Variants in MYOM3 observed in about 807,000 individuals in gnomAD.
The protein encoded by MYOM3 is myomesin-3.
MYOM3 carries 155 observed loss-of-function variants against 191.7 expected under a neutral mutation model. The ratio of observed to expected loss-of-function variants is 0.81; its 90% confidence interval spans 0.71 to 0.92. The LOEUF (loss-of-function observed/expected upper bound fraction) is 0.92. MYOM3 is among the 40% of genes least tolerant of loss of function. MYOM3 has a pLI of 0.00. For synonymous variants in MYOM3, 757 were observed against 762.9 expected (o/e 0.99, Z 0.13); for missense variants, 1,889 against 1,890.6 (o/e 1.00, Z 0.02).
intron 9 of MYOM3, among the ~76,000 whole-genome samples, chr1:24,093,851 T>C (rs183198722): frequency 2.0e-5 from 3 of 152,208 alleles, no homozygotes; most frequent in Admixed American, 2.0e-4. Flanking sequence ...GGCTCAGAGC[T>C]GGGGGTGCCA....
intron 5 of MYOM3, among the ~76,000 whole-genome samples, chr1:24,101,831 C>T (rs1643939562): frequency 6.6e-6 from 1 of 152,192 alleles, no homozygotes. Context: ...TGGATGCCGC[C>T]CTCATTTTCT....
chr1:24,088,569 C>A (rs1441595130), intron 14 of MYOM3, among the ~76,000 whole-genome samples: 1 of 152,186 alleles, frequency 6.6e-6, no homozygotes, highest in Non-Finnish European at 1.5e-5. Flanking sequence ...TGAAACAAAT[C>A]CTCAATTATC....
At chr1:24,059,464 A>G (rs1428708955) in intron 35 of MYOM3, among the ~76,000 whole-genome samples, 1 of 152,222 alleles carries the variant, frequency 6.6e-6, no homozygotes, top group East Asian at 1.9e-4. Context: ...ACTGTATTAC[A>G]TGCTTCTTTG....
At chr1:24,108,449 G>A (rs749046735) in intron 2 of MYOM3, 27 bp downstream of exon 2, 8 of 1,517,206 alleles carry the variant, frequency 5.3e-6, no homozygotes, top group Non-Finnish European at 7.1e-6. Context: ...CAGGGCAGTG[G>A]CTGGGCGGGG....
intron 5 of MYOM3, among the ~76,000 whole-genome samples, chr1:24,103,259 C>T (rs1643953813): frequency 6.6e-6 from 1 of 152,238 alleles, no homozygotes; most frequent in Non-Finnish European, 1.5e-5. Flanking sequence ...AGCAGTCCTC[C>T]TAGTGGGATC....
At chr1:24,099,079 T>C (rs905911271) in intron 6 of MYOM3, among the ~76,000 whole-genome samples, 6 of 152,166 alleles carry the variant, frequency 3.9e-5, no homozygotes, top group Admixed American at 3.3e-4. Flanking sequence ...ATATGAATGA[T>C]GAGTGACACA....
rs1394789164 is a variant in MYOM3, at chr1:24,089,623, C to T, written c.1529G>A (p.Ser510Asn). ...AACCACATAGGCCTCTCGGATCTCG[C>T]TGGCATGGACATTGGTTGGCGGTGA... ...IPSPPTNVHA[S>N]EIREAYVVLA... The change falls in exon 14 of 37, where the codon AGC (serine) becomes AAC (asparagine). Residue 510 changes from serine (S) to asparagine (N), a missense_variant. Physicochemically the swap from Ser to Asn is conservative, Grantham distance 46. Coordinates refer to ENST00000374434, the MANE Select transcript of MYOM3 (RefSeq NM_152372.4). 6.3e-7 allele frequency: 1 copy of T among 1,594,360 alleles called. No homozygotes were observed. Among genetic ancestry groups the T allele is most frequent in the Non-Finnish European group, 8.5e-7 (1 of 1,170,826 alleles).
Position 24,108,620 on chromosome 1 carries a change from C to G in MYOM3, c.17G>C (p.Ser6Thr). MTLPH[S>T]LGGAGDPRPP... is the part of the protein sequence containing the mutation. The stretch of plus-strand genomic sequence containing the variant: ...CCGGGGGTCCCCCGCACCTCCCAAG[C>G]TGTGCGGCAGAGTCATGGTTACGAG... The change falls in exon 2 of 37, where the codon AGC (serine) becomes ACC (threonine). Residue 6 changes from serine to threonine, a missense_variant. Transcript: ENST00000374434. The G allele has an allele frequency of 6.4e-7, 1 of 1,564,254 alleles. No individual in the cohort carries two copies. The highest frequency in any genetic ancestry group is 8.6e-7 in the Non-Finnish European group (1 of 1,156,494).
intron 36 of MYOM3, among the ~76,000 whole-genome samples, 188 bp downstream of exon 36, chr1:24,058,736 A>G (rs985482284): frequency 6.6e-6 from 1 of 152,222 alleles, no homozygotes; most frequent in African/African-American, 2.4e-5. Flanking sequence ...GAACTAGGTC[A>G]AGTACCCACT....
chr1:24,066,576 G>T (rs961004477), intron 28 of MYOM3: 2 of 373,494 alleles, frequency 5.4e-6, no homozygotes, highest in Admixed American at 4.4e-5. Flanking sequence ...CCCTCTTACC[G>T]TGTGGCCTTG....
chr1:24,099,884 T>C (rs1205037196), intron 5 of MYOM3, 109 bp from the exon 6 acceptor site: 2 of 818,416 alleles, frequency 2.4e-6, no homozygotes, highest in Admixed American at 2.2e-5. Flanking sequence ...TTTTGTTTTT[T>C]TGAGACGGAG....
rs1258569576 is a variant in MYOM3 at position 24,062,005 on chromosome 1, G to A, written c.3875C>T (p.Thr1292Ile). ...DPKDSDKGKYTLEIAAGKEVR... is the reference protein window; with the variant it reads ...DPKDSDKGKYILEIAAGKEVR... ...TTCCTTCCCTGCAGCTATTTCCAGAGTGTATTTGCCCTTGTCTGAGTCTTT... is the reference window on the plus strand; with the variant it reads ...TTCCTTCCCTGCAGCTATTTCCAGAATGTATTTGCCCTTGTCTGAGTCTTT... The change falls in exon 33 of 37, where the codon ACT (threonine) becomes ATT (isoleucine). Residue 1292 changes from threonine to isoleucine, a missense_variant. Physicochemically the swap from Thr to Ile is moderately conservative, Grantham distance 89. Coordinates refer to ENST00000374434, the MANE Select transcript of MYOM3 (RefSeq NM_152372.4). 1 of 1,614,222 alleles carries A rather than the reference G, an allele frequency of 6.2e-7. No individual in the cohort carries two copies. The highest frequency in any genetic ancestry group is 1.1e-5 in the South Asian group (1 of 91,080).
At chr1:24,096,728 G>A (rs552436664) in intron 7 of MYOM3, among the ~76,000 whole-genome samples, 18 of 152,006 alleles carry the variant, frequency 1.2e-4, no homozygotes, top group Non-Finnish European at 2.5e-4. Flanking sequence ...GTGTGTATGA[G>A]TGCACGTGTG....
chr1:24,060,970 G>C, intron 35 of MYOM3, 90 bp downstream of exon 35: 1 of 1,459,084 alleles, frequency 6.9e-7, no homozygotes, highest in Non-Finnish European at 9.6e-7. Context: ...TGTGGAATGA[G>C]GCCTTCAGCA....
At chr1:24,105,783 C>A (rs1415183353) in intron 5 of MYOM3, 137 bp downstream of exon 5, 1 of 872,390 alleles carries the variant, frequency 1.1e-6, no homozygotes, top group East Asian at 2.7e-5. Context: ...GGTTCCCCAG[C>A]AGCTGCTCTA....
Position 24,076,177 on chromosome 1 carries a change from G to T in MYOM3, c.2683C>A (p.Leu895Ile). The T allele has an allele frequency of 6.2e-7, 1 of 1,614,092 alleles. No individual in the cohort carries two copies. Among genetic ancestry groups the T allele is most frequent in the Non-Finnish European group, 8.5e-7 (1 of 1,179,926 alleles). Residue 895 changes from leucine (L) to isoleucine (I), a missense_variant, in exon 21 of 37, where the codon CTC (leucine) becomes ATC (isoleucine). Physicochemically the swap from Leu to Ile is conservative, Grantham distance 5 (BLOSUM62 2). Coordinates refer to ENST00000374434, the MANE Select transcript of MYOM3 (RefSeq NM_152372.4). ...GQPSMPTDPVLLEDKPGAHEI... is the reference protein window; with the variant it reads ...GQPSMPTDPVILEDKPGAHEI... ...CCCCTACCTGGCTTGTCCTCCAGGA[G>T]CACGGGATCAGTGGGCATGGACGGT... is the stretch of plus-strand genomic sequence containing the variant.
intron 6 of MYOM3, among the ~76,000 whole-genome samples, chr1:24,099,213 C>G (rs947415753): frequency 3.3e-5 from 5 of 152,244 alleles, no homozygotes; most frequent in African/African-American, 1.2e-4. Flanking sequence ...TCCCATGTCA[C>G]TGCTTCCCCT....
intron 9 of MYOM3, among the ~76,000 whole-genome samples, chr1:24,094,191 G>T (rs35145657): frequency 0.43 from 57,585 of 135,132 alleles, 12,127 homozygotes; most frequent in Non-Finnish European, 0.46. Flanking sequence ...TTTTTTTTGA[G>T]ATGGAGTCTT....
At chr1:24,108,394 G>T in intron 2 of MYOM3, 82 bp downstream of exon 2, 2 of 1,387,014 alleles carry the variant, frequency 1.4e-6, no homozygotes, top group Non-Finnish European at 1.9e-6. Flanking sequence ...GGAGCCTCCA[G>T]AGGGCTAGGC....
Sources: gnomAD v4.1 joint callset for allele counts (sites outside exome capture counted in the v4.1 genomes callset) on GRCh38, gnomAD v4.1.1 for gene constraint, MANE v1.5 for transcripts, NCBI Gene and HGNC (gene_info 2026-07-23, HGNC 2026-07-21) for gene names.